PARN: variants seen among roughly 807,000 people sequenced by gnomAD.
PARN encodes the protein poly(A)-specific ribonuclease PARN.
PARN carries 71 observed loss-of-function variants against 102.8 expected under a neutral mutation model. The observed-to-expected ratio is 0.69, with a 90% CI of 0.57 to 0.84. The LOEUF (loss-of-function observed/expected upper bound fraction) is 0.84, where lower values mean the gene tolerates loss of function less well. Ranked by LOEUF, PARN falls within the 40% of genes least tolerant of loss-of-function variation. The pLI is 0.00. For synonymous variants in PARN, 261 were observed against 252.9 expected (o/e 1.03, Z -0.30); for missense variants, 782 against 760.9 (o/e 1.03, Z -0.33).
intron 13 of PARN, among the ~76,000 whole-genome samples, chr16:14,586,922 G>A (rs982004533): frequency 1.3e-5 from 2 of 152,190 alleles, no homozygotes; most frequent in African/African-American, 4.8e-5. Context: ...AATTGCTCAA[G>A]TGGCACTAAT....
chr16:14,542,112 C>T (rs1312021122), intron 21 of PARN, among the ~76,000 whole-genome samples: 1 of 151,958 alleles, frequency 6.6e-6, no homozygotes, highest in Non-Finnish European at 1.5e-5. Context: ...TCAGGGGATC[C>T]TCTCACCTCA....
At chr16:14,559,883 T>C (rs1429799339) in intron 18 of PARN, among the ~76,000 whole-genome samples, 2 of 152,194 alleles carry the variant, frequency 1.3e-5, no homozygotes, top group Non-Finnish European at 2.9e-5. Context: ...ACTGCGGCTC[T>C]GGAGAGCGCC....
At chr16:14,624,216 T>C in intron 5 of PARN, among the ~76,000 whole-genome samples, 1 of 152,188 alleles carries the variant, frequency 6.6e-6, no homozygotes, top group East Asian at 1.9e-4. Flanking sequence ...GAGAGAGATT[T>C]TGACCCAATT....
At chr16:14,605,110 C>T (rs1004134151) in intron 10 of PARN, among the ~76,000 whole-genome samples, 1 of 150,372 alleles carries the variant, frequency 6.7e-6, no homozygotes, top group Non-Finnish European at 1.5e-5. Context: ...TGGCTAATTT[C>T]TTTTTATATT....
At chr16:14,554,184 G>C (rs1428848154) in intron 19 of PARN, 33 bp from the exon 20 acceptor site, 8 of 1,422,766 alleles carry the variant, frequency 5.6e-6, no homozygotes, top group Non-Finnish European at 7.9e-6. Context: ...AATATTGATG[G>C]GTGAAAAGTG....
chr16:14,552,715 G>A (rs569649666), intron 20 of PARN, among the ~76,000 whole-genome samples: 8 of 152,238 alleles, frequency 5.3e-5, no homozygotes, highest in South Asian at 2.1e-4. Context: ...TTGGGAGGCC[G>A]AGGTGGGAGG....
intron 21 of PARN, among the ~76,000 whole-genome samples, chr16:14,517,788 C>A (rs188960268): frequency 6.6e-6 from 1 of 152,118 alleles, no homozygotes; most frequent in Non-Finnish European, 1.5e-5. Flanking sequence ...AAGTGACTCT[C>A]GTACCTTGGC....
At chr16:14,597,037 T>A (rs943036055) in intron 12 of PARN, among the ~76,000 whole-genome samples, 1 of 152,140 alleles carries the variant, frequency 6.6e-6, no homozygotes, top group Non-Finnish European at 1.5e-5. Flanking sequence ...TCCGCCCCCC[T>A]TGGCCTCCCA....
chr16:14,618,303 T>C (rs1972055183), intron 5 of PARN, among the ~76,000 whole-genome samples: 3 of 151,866 alleles, frequency 2.0e-5, no homozygotes, highest in South Asian at 2.1e-4. Context: ...CTGGCTAACA[T>C]GGTCAAACTC....
At chr16:14,609,651 G>A (rs929777149) in intron 7 of PARN, among the ~76,000 whole-genome samples, 44 of 152,154 alleles carry the variant, frequency 2.9e-4, no homozygotes, top group African/African-American at 9.2e-4. Context: ...ATTTATTAGT[G>A]ACAACTTCTC....
At chr16:14,629,497 A>T (rs1016565017) in intron 2 of PARN, 100 bp downstream of exon 2, 4 of 862,442 alleles carry the variant, frequency 4.6e-6, no homozygotes, top group African/African-American at 1.7e-5. Flanking sequence ...ACTAACAGCA[A>T]GAGGCCACCA....
chr16:14,482,840 G>C lies in PARN; in HGVS notation c.1481-13C>G. The C allele has an allele frequency of 6.4e-7, 1 of 1,554,396 alleles. No homozygotes were observed. The highest frequency in any genetic ancestry group is 2.3e-5 in the East Asian group (1 of 43,660). On this transcript the variant is annotated splice_polypyrimidine_tract_variant and intron_variant, in intron 21 of 23. Transcript: ENST00000437198. ...CTGGTATTGACAGCTACAAGGAAAA[G>C]AAAAAAAAATAAAATGCTTACAAAA...
chr16:14,540,641 G>A (rs1445942194), intron 21 of PARN, among the ~76,000 whole-genome samples: 1 of 152,126 alleles, frequency 6.6e-6, no homozygotes, highest in African/African-American at 2.4e-5. Context: ...CACAAAATAG[G>A]TGCCAGCCAG....
intron 23 of PARN, among the ~76,000 whole-genome samples, chr16:14,442,381 C>T (rs560782215): frequency 6.6e-6 from 1 of 152,110 alleles, no homozygotes; most frequent in South Asian, 2.1e-4. Context: ...CTTTGCGTAC[C>T]GAGTATGTAC....
intron 21 of PARN, among the ~76,000 whole-genome samples, chr16:14,493,089 A>G (rs1964140557): frequency 6.6e-6 from 1 of 152,270 alleles, no homozygotes; most frequent in South Asian, 2.1e-4. Context: ...AATAAAAAAA[A>G]AGAAACCATT....
At chr16:14,497,613 C>T (rs1328665129) in intron 21 of PARN, among the ~76,000 whole-genome samples, 3 of 152,240 alleles carry the variant, frequency 2.0e-5, no homozygotes, top group Non-Finnish European at 4.4e-5. Context: ...CTCCATGTTT[C>T]TTCTACTTCC....
At chr16:14,582,125 A>C (rs1458941388) in intron 17 of PARN, 56 bp downstream of exon 17, 1 of 1,024,908 alleles carries the variant, frequency 9.8e-7, no homozygotes, top group Non-Finnish European at 1.6e-6. Context: ...GCCAGGAGAC[A>C]GGTAAGATCC....
intron 18 of PARN, among the ~76,000 whole-genome samples, chr16:14,574,192 C>CATA (rs1422951698): frequency 6.6e-6 from 1 of 151,828 alleles, no homozygotes; most frequent in Non-Finnish European, 1.5e-5. Context: ...GGAACTGGAG[C>CATA]AAAGGTGACC....
At chr16:14,445,136 T>C (rs1445526969) in intron 23 of PARN, among the ~76,000 whole-genome samples, 3 of 151,636 alleles carry the variant, frequency 2.0e-5, no homozygotes, top group Non-Finnish European at 4.4e-5. Context: ...CCCCCTCCAA[T>C]AGTTAAGTCA....
Sources: gnomAD v4.1 joint callset for allele counts (sites outside exome capture counted in the v4.1 genomes callset) on GRCh38, gnomAD v4.1.1 for gene constraint, MANE v1.5 for transcripts, NCBI Gene and HGNC (gene_info 2026-07-23, HGNC 2026-07-21) for gene names.